Variants in RER1 observed in about 807,000 individuals in gnomAD.
RER1 encodes the protein retention in endoplasmic reticulum sorting receptor 1.
RER1 carries 6 observed loss-of-function variants against 28.3 expected under a neutral mutation model. That is an observed-to-expected ratio of 0.21 (90% CI 0.12 to 0.42). RER1 has a LOEUF of 0.42. Ranked by LOEUF, RER1 falls within the 10% of genes least tolerant of loss-of-function variation. RER1 has a pLI of 1.00. For synonymous variants in RER1, 110 were observed against 95.9 expected, an observed-to-expected ratio of 1.15 and a Z score of -0.86; for missense variants, 159 against 252.9, an observed-to-expected ratio of 0.63 and a Z score of 2.52.
intron 1 of RER1, 103 bp downstream of exon 1, chr1:2,392,061 G>T: frequency 6.6e-6 from 1 of 151,660 alleles, no homozygotes; most frequent in South Asian, 2.0e-4. Context: ...CTGAGGGCCG[G>T]GCGGGGAGGG....
At position 2,404,587 on chromosome 1, in the gene RER1, C is replaced by G. The variant is rs946606377; in HGVS notation, c.*1463C>G. 2.0e-5 allele frequency: 3 copies of G among 152,290 alleles called. No individual in the cohort carries two copies. Among genetic ancestry groups the G allele is most frequent in the African/African-American group, 7.2e-5 (3 of 41,456 alleles). 9.4% of individuals were successfully genotyped at this position (152,290 alleles called of 1,614,324 possible). On this transcript the variant is annotated 3_prime_UTR_variant, in exon 7 of 7. Coordinates refer to ENST00000605895, the MANE Select transcript of RER1 (RefSeq NM_007033.5). ...AGTCTAGAGGGTCACGGCCCCCCCG[C>G]CCTCCTCCGTCTCTGGCAAGCTGAC...
At chr1:2,395,677 A>T (rs1161213704) in intron 1 of RER1, 107 bp from the exon 2 acceptor site, 1 of 807,632 alleles carries the variant, frequency 1.2e-6, no homozygotes, top group Non-Finnish European at 2.1e-6. Flanking sequence ...TATGGACAAA[A>T]TACTGAATGT....
chr1:2,403,215 CGAGG>C lies in RER1; in HGVS notation c.*95_*98del. On this transcript the variant is annotated 3_prime_UTR_variant, in exon 7 of 7. Coordinates refer to ENST00000605895, the MANE Select transcript of RER1 (RefSeq NM_007033.5). ...TTTCTTCACATAAAGTAGTTGATTA[CGAGG>C]GAGTCAAATTTTCTTTTTAAAAAGG... is the stretch of plus-strand genomic sequence containing the variant. 1.1e-6 allele frequency: 1 copy of C among 941,574 alleles called. No individual in the cohort carries two copies. The allele number at this position is 941,574 out of a possible 1,614,324, so 58.3% of individuals were successfully genotyped here.
intron 1 of RER1, chr1:2,395,281 C>G (rs1163856175): frequency 6.1e-6 from 1 of 164,478 alleles, no homozygotes; most frequent in African/African-American, 2.4e-5. Context: ...TAACATTTTC[C>G]TGTTCATGGG....
intron 1 of RER1, among the ~76,000 whole-genome samples, chr1:2,392,421 G>A (rs1371032926): frequency 2.6e-5 from 4 of 152,232 alleles, no homozygotes; most frequent in African/African-American, 9.6e-5. Context: ...TGGGGTGAAG[G>A]CGTTACTGAC....
intron 3 of RER1, among the ~76,000 whole-genome samples, chr1:2,398,120 C>G (rs540677992): frequency 1.3e-5 from 2 of 152,222 alleles, no homozygotes; most frequent in Admixed American, 1.3e-4. Flanking sequence ...AGTTTTATTG[C>G]GTTCGAAACC....
rs1642961856 is a variant in RER1 at position 2,405,293 on chromosome 1, T to A, written c.*2169T>A. On this transcript the variant is annotated 3_prime_UTR_variant, in exon 7 of 7. Coordinates refer to ENST00000605895, the MANE Select transcript of RER1 (RefSeq NM_007033.5). ...GCCTCCCATGGGGCCGTGGGGCTGC[T>A]GTTCTCACTGCACTGGCTGAAGCAA... 3.3e-6 allele frequency: 1 copy of A among 302,202 alleles called. No individual in the cohort carries two copies. The highest frequency in any genetic ancestry group is 2.2e-5 in the African/African-American group (1 of 45,430). 18.7% of individuals were successfully genotyped at this position (302,202 alleles called of 1,614,324 possible). A position where few individuals can be genotyped will look rare whatever the true frequency, so the allele number is the denominator to read the frequency against.
intron 3 of RER1, among the ~76,000 whole-genome samples, chr1:2,397,985 T>A (rs1203404290): frequency 1.3e-5 from 2 of 152,216 alleles, no homozygotes; most frequent in Non-Finnish European, 2.9e-5. Flanking sequence ...CCTTAATTTA[T>A]TTATTTATTT....
At position 2,403,157 on chromosome 1, in the gene RER1, G is replaced by C. The variant is rs566272500; in HGVS notation, c.*33G>C. On this transcript the variant is annotated 3_prime_UTR_variant, in exon 7 of 7. Coordinates refer to ENST00000605895, the MANE Select transcript of RER1 (RefSeq NM_007033.5). ...ACTGAGGCTGCCTCACGTGTTGCAA[G>C]AACAGTTTTGAGCCATTGTTAACAA... 1.5e-5 allele frequency: 23 copies of C among 1,542,870 alleles called. No homozygotes were observed. In the Admixed American group the frequency reaches 3.5e-4, roughly 24 times the overall value.
rs768191785 is a variant in RER1 at position 2,402,181 on chromosome 1, C to T, written c.366-26C>T. 1.7e-5 allele frequency: 28 copies of T among 1,613,966 alleles called. 1 individual carries two copies. Among genetic ancestry groups the T allele is most frequent in the East Asian group, 6.7e-5 (3 of 44,898 alleles). ...TGCCCGGTGCTGGCTGCAGATGCGG[C>T]GCTAACCTTCTCTCCCCACTTGAAG... On this transcript the variant is annotated intron_variant, in intron 5 of 6. Transcript: ENST00000605895.
chr1:2,397,930 C>T (rs1642791881), intron 3 of RER1, among the ~76,000 whole-genome samples: 2 of 152,224 alleles, frequency 1.3e-5, no homozygotes, highest in African/African-American at 4.8e-5. Flanking sequence ...GGGCTATTTT[C>T]TCCTCTGGGG....
At chr1:2,399,186 TG>T (rs1244036867) in intron 3 of RER1, among the ~76,000 whole-genome samples, 1 of 152,256 alleles carries the variant, frequency 6.6e-6, no homozygotes, top group Non-Finnish European at 1.5e-5. Flanking sequence ...TTTGCTCATT[TG>T]GGCCCTTGCT....
At chr1:2,401,293 C>T (rs1642850507) in intron 5 of RER1, among the ~76,000 whole-genome samples, 2 of 118,736 alleles carry the variant, frequency 1.7e-5, no homozygotes, top group East Asian at 2.9e-4. Context: ...CTCCTTCCTC[C>T]CTCCTTCCTG....
chr1:2,402,489 G>A (rs1642881015), intron 6 of RER1, 147 bp downstream of exon 6: 7 of 1,030,510 alleles, frequency 6.8e-6, no homozygotes, highest in Admixed American at 4.5e-5. Context: ...TGTGTGTGAC[G>A]AGGACACTGC....
intron 5 of RER1, 102 bp downstream of exon 5, chr1:2,401,037 G>A: frequency 1.0e-6 from 1 of 991,772 alleles, no homozygotes; most frequent in Non-Finnish European, 1.6e-6. Context: ...GATGACTGCT[G>A]TGCTGGGCTG....
At position 2,391,906 on chromosome 1, in the gene RER1, T is replaced by C; in HGVS notation, c.-60T>C. ...TGCGGCCGCCCGTGCCCCGCCGTCC[T>C]CCTTCCCGCGGCCGTGAGGGAGACC... On this transcript the variant is annotated 5_prime_UTR_variant, in exon 1 of 7. Coordinates refer to ENST00000605895, the MANE Select transcript of RER1 (RefSeq NM_007033.5). 4.7e-6 allele frequency: 1 copy of C among 214,336 alleles called. No homozygotes were observed. Among genetic ancestry groups the C allele is most frequent in the Non-Finnish European group, 9.2e-6 (1 of 108,992 alleles). The allele number at this position is 214,336 out of a possible 1,614,324, so 13.3% of individuals were successfully genotyped here.
chr1:2,401,959 G>C, intron 5 of RER1: 7 of 1,427,232 alleles, frequency 4.9e-6, no homozygotes, highest in Non-Finnish European at 6.5e-6. Context: ...TTTATACTTT[G>C]TGTAGTTTTA....
At chr1:2,401,281 T>TC (rs1557903782) in intron 5 of RER1, among the ~76,000 whole-genome samples, 5 of 38,074 alleles carry the variant, frequency 1.3e-4, no homozygotes, top group South Asian at 1.1e-3. Context: ...CCCTCCTCCC[T>TC]CCTCCTTCCT....
At position 2,405,194 on chromosome 1, in the gene RER1, TTC is replaced by T. The variant is rs1415714807; in HGVS notation, c.*2076_*2077del. 2.2e-5 allele frequency: 4 copies of T among 182,054 alleles called. No homozygotes were observed. The highest frequency in any genetic ancestry group is 1.1e-4 in the South Asian group (1 of 9,484). The allele number at this position is 182,054 out of a possible 1,614,324, so 11.3% of individuals were successfully genotyped here. A position where few individuals can be genotyped will look rare whatever the true frequency, so the allele number is the denominator to read the frequency against. Reference sequence around the variant, plus strand: ...GACGGAGGTGCTGGCCTTGGTTGGTTTCTCTCTGCCCCGTGTGGTCATCAAGT... The same window carrying T: ...GACGGAGGTGCTGGCCTTGGTTGGTTTCTCTGCCCCGTGTGGTCATCAAGT... On this transcript the variant is annotated 3_prime_UTR_variant, in exon 7 of 7. Transcript: ENST00000605895.
Sources: allele counts gnomAD v4.1 joint callset (sites outside exome capture counted in the v4.1 genomes callset), GRCh38; gene constraint gnomAD v4.1.1; transcripts MANE v1.5; gene names NCBI Gene and HGNC (gene_info 2026-07-23, HGNC 2026-07-21).